The following GPM6A variants were observed in gnomAD, a reference collection of about 807,000 sequenced individuals.
GPM6A encodes neuronal membrane glycoprotein M6-a.
GPM6A carries 7 observed loss-of-function variants against 32.1 expected under a neutral mutation model. The ratio of observed to expected loss-of-function variants is 0.22; its 90% CI spans 0.12 to 0.41. The LOEUF is 0.41. GPM6A is among the 10% of genes least tolerant of loss of function. The pLI, the probability that GPM6A is intolerant of heterozygous loss-of-function variation, is 1.00. For synonymous variants in GPM6A, 130 were observed against 123.4 expected, an observed-to-expected ratio of 1.05 and a Z score of -0.35; for missense variants, 235 against 347.2, an observed-to-expected ratio of 0.68 and a Z score of 2.57.
At position 175,905,710 on chromosome 4, in the gene GPM6A, C is replaced by A. The variant is rs752806141; in HGVS notation, c.-22-93461G>T. Among the ~76,000 whole-genome samples the A allele has an allele frequency of 2.0e-5, 3 of 152,164 alleles. No homozygotes were observed. In the Middle Eastern group the frequency reaches 0.01, roughly 518 times the overall value. ...ATATTTTGGGGTGGCATACTCTGAT[C>A]CCTTTCAGTATATATTTTCTAATAT... is the stretch of plus-strand genomic sequence containing the variant. On this transcript the variant is annotated intron_variant, in intron 1 of 7. Coordinates refer to the GPM6A transcript ENST00000280187.
intron 1 of GPM6A, among the ~76,000 whole-genome samples, chr4:175,955,626 C>A (rs2126387353): frequency 6.6e-6 from 1 of 152,266 alleles, no homozygotes; most frequent in Non-Finnish European, 1.5e-5. Context: ...TCCAATCTAT[C>A]TCTGGTTCAC....
intron 3 of GPM6A, among the ~76,000 whole-genome samples, chr4:175,666,293 C>A (rs921241601): frequency 5.9e-5 from 9 of 152,128 alleles, no homozygotes; most frequent in Admixed American, 5.9e-4. Flanking sequence ...GAACATTTAA[C>A]TTTAATACCC....
intron 1 of GPM6A, among the ~76,000 whole-genome samples, chr4:175,984,941 T>C (rs1201200768): frequency 6.6e-6 from 1 of 152,200 alleles, no homozygotes; most frequent in Non-Finnish European, 1.5e-5. Context: ...TTTTGACCTA[T>C]ATTGGGTTAT....
intron 1 of GPM6A, among the ~76,000 whole-genome samples, chr4:175,782,791 A>G (rs1306257648): frequency 6.6e-6 from 1 of 152,076 alleles, no homozygotes; most frequent in African/African-American, 2.4e-5. Context: ...TTAAGTAGTG[A>G]AAATAATTAT....
chr4:175,970,726 CT>C, intron 1 of GPM6A: 5 of 381,802 alleles, frequency 1.3e-5, no homozygotes, highest in South Asian at 1.0e-4. Context: ...CAACAAACTT[CT>C]TATGTTGAAA....
intron 2 of GPM6A, among the ~76,000 whole-genome samples, chr4:175,699,882 C>T (rs565514149): frequency 1.3e-5 from 2 of 152,192 alleles, no homozygotes; most frequent in Admixed American, 6.6e-5. Flanking sequence ...ATGTATAACT[C>T]TATTCTCATT....
intron 2 of GPM6A, among the ~76,000 whole-genome samples, chr4:175,682,438 G>A (rs1399476688): frequency 6.6e-6 from 1 of 152,160 alleles, no homozygotes; most frequent in East Asian, 1.9e-4. Context: ...AGGACGTGGA[G>A]CAATCTCTTG....
chr4:175,787,507 G>T, intron 1 of GPM6A: 1 of 1,463,884 alleles, frequency 6.8e-7, no homozygotes, highest in Non-Finnish European at 9.0e-7. Context: ...GGTCCTTTTT[G>T]TTCCACCTTT....
intron 1 of GPM6A, among the ~76,000 whole-genome samples, chr4:175,775,166 T>C (rs1253343604): frequency 6.6e-6 from 1 of 152,130 alleles, no homozygotes; most frequent in Non-Finnish European, 1.5e-5. Context: ...TGCAAGGCTA[T>C]ATAGAAGAAG....
chr4:175,673,661 A>G lies in GPM6A; in HGVS notation c.387+19T>C, dbSNP rs1743204890. The G allele has an allele frequency of 8.9e-6, 14 of 1,568,994 alleles. No homozygotes were observed. The highest frequency in any genetic ancestry group is 1.2e-5 in the Non-Finnish European group (14 of 1,147,844). On this transcript the variant is annotated intron_variant, in intron 3 of 6. Coordinates refer to ENST00000393658, the MANE Select transcript of GPM6A (RefSeq NM_201591.3). ...GAAATCAATCCACATTAAATACTGA[A>G]TGTAGAGAACTAACATACCCAAGCG... is the stretch of plus-strand genomic sequence containing the variant.
At position 175,657,643 on chromosome 4, in the gene GPM6A, T is replaced by C. The variant is rs1192015196; in HGVS notation, c.388-5656A>G. 6.6e-5 allele frequency among the ~76,000 whole-genome samples: 10 copies of C among 152,178 alleles called. 1 individual carries two copies. Among genetic ancestry groups the C allele is most frequent in the Admixed American group, 6.6e-4 (10 of 15,264 alleles). ...GCATGAATGAGTGGGGTACCGGACA[T>C]GAGCCAGATATCTAAATCCGAGTGT... On this transcript the variant is annotated intron_variant, in intron 3 of 6. Transcript: ENST00000393658.
At chr4:175,821,380 T>C (rs1735272934) in intron 1 of GPM6A, among the ~76,000 whole-genome samples, 1 of 152,170 alleles carries the variant, frequency 6.6e-6, no homozygotes, top group South Asian at 2.1e-4. Context: ...TTCTGAATAC[T>C]AATTCCATAG....
intron 1 of GPM6A, among the ~76,000 whole-genome samples, chr4:175,919,228 T>C (rs79924292): frequency 0.024 from 3,706 of 152,224 alleles, 79 homozygotes; most frequent in Non-Finnish European, 0.039. Context: ...CTGGCACAAA[T>C]GAGGTCCCTG....
At chr4:175,825,386 A>G (rs1306395198) in intron 1 of GPM6A, among the ~76,000 whole-genome samples, 2 of 152,212 alleles carry the variant, frequency 1.3e-5, no homozygotes, top group Non-Finnish European at 2.9e-5. Context: ...TTGATTATAT[A>G]TTGAGTGCTT....
chr4:175,778,061 T>C (rs1379570669), intron 1 of GPM6A, among the ~76,000 whole-genome samples: 1 of 152,156 alleles, frequency 6.6e-6, no homozygotes. Context: ...GTAATCTGCT[T>C]ACCTTTCACC....
At chr4:175,906,297 A>G (rs1381486081) in intron 1 of GPM6A, among the ~76,000 whole-genome samples, 2 of 152,154 alleles carry the variant, frequency 1.3e-5, no homozygotes, top group African/African-American at 4.8e-5. Flanking sequence ...ATTAAACCTA[A>G]GATTCATGAT....
At chr4:175,698,903 A>G (rs889571663) in intron 2 of GPM6A, among the ~76,000 whole-genome samples, 2 of 152,172 alleles carry the variant, frequency 1.3e-5, no homozygotes, top group African/African-American at 4.8e-5. Flanking sequence ...CACTGCCTTT[A>G]GAGCTTTAGT....
intron 1 of GPM6A, among the ~76,000 whole-genome samples, chr4:175,851,216 G>T (rs1417607025): frequency 6.6e-6 from 1 of 152,076 alleles, no homozygotes; most frequent in African/African-American, 2.4e-5. Flanking sequence ...AATTAGCTGG[G>T]TGTGGTGGCG....
chr4:175,978,164 A>G lies in GPM6A; in HGVS notation c.-23+24145T>C, dbSNP rs150230143. On this transcript the variant is annotated intron_variant, in intron 1 of 7. Transcript: ENST00000280187. ...TTTATAAAAGAAATAGGTTTAATTG[A>G]CTCACAGTTCCACATGGCTGGGGAA... Among the ~76,000 whole-genome samples the G allele has an allele frequency of 6.5e-3, 997 of 152,300 alleles. 10 individuals carry two copies. Among genetic ancestry groups the G allele is most frequent in the African/African-American group, 0.023 (942 of 41,552 alleles).
Sources: allele counts gnomAD v4.1 joint callset (sites outside exome capture counted in the v4.1 genomes callset), GRCh38; gene constraint gnomAD v4.1.1; transcripts MANE v1.5; gene names NCBI Gene and HGNC (gene_info 2026-07-23, HGNC 2026-07-21).